The following MAST2 variants were observed in gnomAD, a reference collection of about 807,000 sequenced individuals.
MAST2 encodes microtubule associated serine/threonine kinase 2.
In MAST2, 70 loss-of-function variants were observed where a neutral mutation model predicts 147.4. That is an observed-to-expected ratio of 0.47 (90% CI 0.39 to 0.58). MAST2 has a LOEUF of 0.58. MAST2 is among the 20% of genes least tolerant of loss of function. The probability of loss-of-function intolerance (pLI) is 0.00; values close to 1 mark genes in which losing one functional copy is unlikely to be tolerated. For missense variants in MAST2, 2,080 were observed against 2,302.3 expected, an observed-to-expected ratio of 0.90 and a Z score of 1.98; for synonymous variants, 869 against 896.8, an observed-to-expected ratio of 0.97 and a Z score of 0.55.
intron 4 of MAST2, among the ~76,000 whole-genome samples, chr1:45,894,653 A>G: frequency 6.6e-6 from 1 of 152,224 alleles, no homozygotes; most frequent in Admixed American, 6.5e-5. Context: ...CTAAAATTTT[A>G]ACCAGTTTTA....
Position 46,031,327 on chromosome 1 carries a change from AG to A in MAST2, c.2992+39del. On this transcript the variant is annotated intron_variant, in intron 23 of 28. Transcript: ENST00000361297. The surrounding 1 kb of genome is among the most constrained non-coding windows in gnomAD (Gnocchi z 4.1). ...TGGGCGGCCAAACGACCTAAGCTGG[AG>A]GATACTGCAGGGCAGGGAGGCTCAG... 6.4e-7 allele frequency: 1 copy of A among 1,558,674 alleles called. No homozygotes were observed. Among genetic ancestry groups the A allele is most frequent in the Non-Finnish European group, 8.7e-7 (1 of 1,148,226 alleles).
intron 4 of MAST2, among the ~76,000 whole-genome samples, chr1:45,908,756 C>A (rs1651185021): frequency 6.6e-6 from 1 of 152,038 alleles, no homozygotes; most frequent in Non-Finnish European, 1.5e-5. Flanking sequence ...GAACTCTAGC[C>A]CATGCCTCCT....
intron 5 of MAST2, among the ~76,000 whole-genome samples, chr1:45,989,555 AT>A (rs201883216): frequency 7.3e-5 from 11 of 150,912 alleles, no homozygotes; most frequent in Admixed American, 1.3e-4. Flanking sequence ...CTCATAAGTT[AT>A]TTTTTTTTAA....
rs117637020 is a variant in MAST2 at position 45,828,057 on chromosome 1, C to T, written c.326-1382C>T. On this transcript the variant is annotated intron_variant, in intron 2 of 28. Coordinates refer to ENST00000361297, the MANE Select transcript of MAST2 (RefSeq NM_015112.3). ...TGTAGCGGAGGCTGGTCTTGAACTC[C>T]TGGGCTCAAGTGATCCTCCTGCTTC... Among the ~76,000 whole-genome samples the T allele has an allele frequency of 1.2e-3, 178 of 152,152 alleles. 3 individuals carry two copies. The East Asian group carries it at 0.025, about 21-fold the overall frequency.
chr1:45,827,626 A>G (rs1227221521), intron 2 of MAST2, among the ~76,000 whole-genome samples: 1 of 151,832 alleles, frequency 6.6e-6, no homozygotes, highest in Middle Eastern at 3.2e-3. Flanking sequence ...GGCTTATGGA[A>G]GTTTTGAGCA....
chr1:45,832,953 C>T (rs1360473326), intron 3 of MAST2, among the ~76,000 whole-genome samples: 5 of 152,052 alleles, frequency 3.3e-5, no homozygotes, highest in Non-Finnish European at 7.4e-5. Context: ...TTGTTCCATC[C>T]CTAACCCCGC....
At chr1:45,893,640 C>G (rs906983630) in intron 4 of MAST2, among the ~76,000 whole-genome samples, 9 of 151,116 alleles carry the variant, frequency 6.0e-5, no homozygotes, top group African/African-American at 2.2e-4. Flanking sequence ...ACTTTTGTTT[C>G]CTAAAATCTG....
chr1:45,903,286 T>G (rs1650112893), intron 4 of MAST2, among the ~76,000 whole-genome samples: 1 of 151,908 alleles, frequency 6.6e-6, no homozygotes, highest in Admixed American at 6.6e-5. Flanking sequence ...CTTACCACCA[T>G]GCCTGGCTAA....
Position 45,997,762 on chromosome 1 carries a change from A to C in MAST2, c.631A>C (p.Asn211His), listed in dbSNP as rs1030535486. 1.2e-6 allele frequency: 2 copies of C among 1,614,020 alleles called. No homozygotes were observed. Among genetic ancestry groups the C allele is most frequent in the Middle Eastern group, 1.6e-4 (1 of 6,084 alleles). ...PLDSPRNFSP[N>H]APAHFSFVPA... ...GGACAGCCCCCGGAATTTCTCTCCA[A>C]ATGCACCTGCTCACTTTTCTTTTGT... The change falls in exon 6 of 29, where the codon AAT (asparagine) becomes CAT (histidine). Residue 211 changes from asparagine (N) to histidine (H), a missense_variant. Asn to His is a moderately conservative substitution (Grantham distance 68). Coordinates refer to ENST00000361297, the MANE Select transcript of MAST2 (RefSeq NM_015112.3).
chr1:46,010,713 C>G lies in MAST2; in HGVS notation c.979-17C>G, dbSNP rs1185881678. On this transcript the variant is annotated splice_polypyrimidine_tract_variant and intron_variant, in intron 9 of 28. Coordinates refer to ENST00000361297, the MANE Select transcript of MAST2 (RefSeq NM_015112.3). Reference sequence around the variant, plus strand: ...GGAACTAGAAGGGAAGTGTTTCTTTCTTGCTTTTCTTCCCAGGCCACCGCA... The same window carrying G: ...GGAACTAGAAGGGAAGTGTTTCTTTGTTGCTTTTCTTCCCAGGCCACCGCA... 6.2e-7 allele frequency: 1 copy of G among 1,610,582 alleles called. No individual in the cohort carries two copies. The highest frequency in any genetic ancestry group is 8.5e-7 in the Non-Finnish European group (1 of 1,178,618).
At chr1:45,907,853 A>G (rs899892892) in intron 4 of MAST2, among the ~76,000 whole-genome samples, 3 of 152,208 alleles carry the variant, frequency 2.0e-5, no homozygotes, top group Non-Finnish European at 2.9e-5. Flanking sequence ...GTCACTTAGC[A>G]TAATGCACAT....
At chr1:45,964,668 C>T (rs1017674552) in intron 5 of MAST2, among the ~76,000 whole-genome samples, 1 of 152,156 alleles carries the variant, frequency 6.6e-6, no homozygotes, top group Non-Finnish European at 1.5e-5. Context: ...AAAAAACCAG[C>T]TCCTGGATTC....
Position 46,031,660 on chromosome 1 carries a change from A to T in MAST2, c.3187+75A>T. On this transcript the variant is annotated intron_variant, in intron 24 of 28. Transcript: ENST00000361297. This position sits in a 1 kb window ranked among gnomAD's most constrained non-coding sequence, Gnocchi z 4.1. ...TCTCTAGGCCTTGGGAGGGTTCTGCACGTGGCAGGTGTGTGTGTGTGTGTT... is the reference window on the plus strand; with the variant it reads ...TCTCTAGGCCTTGGGAGGGTTCTGCTCGTGGCAGGTGTGTGTGTGTGTGTT... 7.0e-7 allele frequency: 1 copy of T among 1,421,454 alleles called. No individual in the cohort carries two copies. The allele number at this position is 1,421,454 out of a possible 1,614,324, so 88.1% of individuals were successfully genotyped here.
In MAST2 at chr1:45,860,687, C is replaced by G. The variant is rs189828233; in HGVS notation, c.469-21677C>G. Among the ~76,000 whole-genome samples, 1,085 of 151,918 alleles carry G rather than the reference C, an allele frequency of 7.1e-3. 6 individuals carry two copies. The highest frequency in any genetic ancestry group is 9.6e-3 in the Non-Finnish European group (652 of 67,954). On this transcript the variant is annotated intron_variant, in intron 3 of 28. Coordinates refer to ENST00000361297, the MANE Select transcript of MAST2 (RefSeq NM_015112.3). Reference sequence around the variant, plus strand: ...TCTCTACTAAAAATACAAAAATTAGCCAAGCGTAGTGGCGGGTGCCTGTAA... The same window carrying G: ...TCTCTACTAAAAATACAAAAATTAGGCAAGCGTAGTGGCGGGTGCCTGTAA...
chr1:45,982,045 C>T (rs1236431783), intron 5 of MAST2, among the ~76,000 whole-genome samples: 11 of 152,062 alleles, frequency 7.2e-5, no homozygotes, highest in Non-Finnish European at 1.3e-4. Flanking sequence ...GACGGAGTTT[C>T]ACCATGTTTG....
intron 1 of MAST2, among the ~76,000 whole-genome samples, chr1:45,812,551 C>G (rs1644335792): frequency 6.6e-6 from 1 of 151,972 alleles, no homozygotes; most frequent in Non-Finnish European, 1.5e-5. Context: ...CCTCAGCCTC[C>G]CAGTAGCTGG....
At chr1:45,826,974 G>A (rs1250429020) in intron 2 of MAST2, among the ~76,000 whole-genome samples, 3 of 151,548 alleles carry the variant, frequency 2.0e-5, no homozygotes, top group African/African-American at 4.9e-5. Context: ...GACTACAGGT[G>A]CCATGCCACC....
chr1:45,811,203 G>A (rs1253209829), intron 1 of MAST2, among the ~76,000 whole-genome samples: 2 of 135,832 alleles, frequency 1.5e-5, no homozygotes, highest in Admixed American at 7.9e-5. Context: ...TCTCGCTCTT[G>A]TCTCCCAGGC....
chr1:45,895,880 ATAAAG>A (rs1648652098), intron 4 of MAST2, among the ~76,000 whole-genome samples: 1 of 152,222 alleles, frequency 6.6e-6, no homozygotes, highest in Non-Finnish European at 1.5e-5. Context: ...TAAATGAGCA[ATAAAG>A]TAAAGGCAAA....
Sources: allele counts gnomAD v4.1 joint callset (sites outside exome capture counted in the v4.1 genomes callset), GRCh38; gene constraint gnomAD v4.1.1; non-coding constraint Gnocchi (gnomAD v3.1); transcripts MANE v1.5; gene names NCBI Gene and HGNC (gene_info 2026-07-23, HGNC 2026-07-21).